The following ESR1 variants were observed in gnomAD, a reference collection of about 807,000 sequenced individuals.
The protein encoded by ESR1 is estrogen receptor 1.
A neutral mutation model predicts 52.7 loss-of-function variants in ESR1; 12 were observed. The observed-to-expected ratio is 0.23, with a 90% confidence interval of 0.15 to 0.37. The LOEUF is 0.37. Ranked by LOEUF, ESR1 falls within the 10% of genes least tolerant of loss-of-function variation. ESR1 has a pLI of 1.00. For synonymous variants in ESR1, 305 were observed against 316.8 expected (o/e 0.96, Z 0.39); for missense variants, 584 against 779.7 (o/e 0.75, Z 2.99).
chr6:151,808,611 G>A (rs9479119), intron 1 of ESR1, among the ~76,000 whole-genome samples: 2 of 152,112 alleles, frequency 1.3e-5, no homozygotes, highest in African/African-American at 2.4e-5. Context: ...CTTACCGTCC[G>A]TGCGAGAGGC....
intron 6 of ESR1, among the ~76,000 whole-genome samples, chr6:152,076,046 G>A (rs1288337086): frequency 6.6e-6 from 1 of 152,134 alleles, no homozygotes; most frequent in Admixed American, 6.5e-5. Context: ...ATAAATTGAG[G>A]ATAATCTGAA....
At chr6:151,689,787 A>C (rs1464159774), upstream of ESR1, among the ~76,000 whole-genome samples, 1 of 152,176 alleles carries the variant, frequency 6.6e-6, no homozygotes, top group Non-Finnish European at 1.5e-5. Context: ...AATATTTTTA[A>C]AAATTCATTT....
rs186291463 is a variant in ESR1, at chr6:151,792,942, G to A, written c.-70-14901G>A. ...TCCTAGCACTTTGGGAGGCCGAGGCGGGCAGATCATGAGGTCAGGAGATCG... is the reference window on the plus strand; with the variant it reads ...TCCTAGCACTTTGGGAGGCCGAGGCAGGCAGATCATGAGGTCAGGAGATCG... On this transcript the variant is annotated intron_variant, in intron 2 of 2. Coordinates refer to the ESR1 transcript ENST00000404742. Among the ~76,000 whole-genome samples the A allele has an allele frequency of 4.9e-3, 740 of 152,122 alleles. 7 individuals are homozygous for A. Among genetic ancestry groups the A allele is most frequent in the African/African-American group, 0.017 (706 of 41,500 alleles).
intron 1 of ESR1, among the ~76,000 whole-genome samples, chr6:151,663,606 T>C (rs893274161): frequency 6.6e-6 from 1 of 152,196 alleles, no homozygotes; most frequent in African/African-American, 2.4e-5. Flanking sequence ...TTCAATATCA[T>C]GCATTTTTTT....
intron 1 of ESR1, among the ~76,000 whole-genome samples, chr6:151,841,235 T>A (rs984767349): frequency 2.6e-5 from 4 of 152,188 alleles, no homozygotes; most frequent in Non-Finnish European, 4.4e-5. Context: ...TCTAAAAAAT[T>A]CATTTTCTTG....
chr6:151,851,875 G>A (rs988668509), intron 2 of ESR1, among the ~76,000 whole-genome samples: 21 of 152,082 alleles, frequency 1.4e-4, no homozygotes, highest in African/African-American at 4.8e-4. Flanking sequence ...GTATATAGGA[G>A]GGACCAGAGA....
intron 2 of ESR1, among the ~76,000 whole-genome samples, chr6:151,784,925 C>T (rs752149974): frequency 7.2e-5 from 11 of 152,170 alleles, no homozygotes; most frequent in Non-Finnish European, 1.5e-4. Context: ...GGAGTTAATG[C>T]TACATTCTAG....
At chr6:151,937,263 T>C (rs2034475512) in intron 3 of ESR1, among the ~76,000 whole-genome samples, 1 of 152,208 alleles carries the variant, frequency 6.6e-6, no homozygotes, top group Non-Finnish European at 1.5e-5. Context: ...AAAGCGTAGC[T>C]GCTCTAGACA....
chr6:151,786,758 A>G (rs1488085343), intron 2 of ESR1, among the ~76,000 whole-genome samples: 1 of 151,446 alleles, frequency 6.6e-6, no homozygotes, highest in East Asian at 1.9e-4. Flanking sequence ...GTCTATGGGT[A>G]GCTAGTTATC....
intron 3 of ESR1, among the ~76,000 whole-genome samples, chr6:151,939,540 AT>A (rs2034791494): frequency 6.6e-6 from 1 of 152,064 alleles, no homozygotes; most frequent in Admixed American, 6.5e-5. Context: ...GTTATTTCTG[AT>A]TTGCAGTTTT....
chr6:151,926,712 C>G (rs2032807206), intron 3 of ESR1, among the ~76,000 whole-genome samples: 1 of 152,090 alleles, frequency 6.6e-6, no homozygotes, highest in Admixed American at 6.6e-5. Context: ...ACCGTGGCAT[C>G]ATTACTTATT....
At chr6:151,961,838 A>G (rs182232820) in intron 4 of ESR1, among the ~76,000 whole-genome samples, 13 of 152,302 alleles carry the variant, frequency 8.5e-5, no homozygotes. Flanking sequence ...GAGCTGCGTT[A>G]CAAGCCCACC....
At chr6:151,777,117 TC>T (rs1478077893) in intron 2 of ESR1, among the ~76,000 whole-genome samples, 5 of 141,998 alleles carry the variant, frequency 3.5e-5, no homozygotes, top group African/African-American at 8.0e-5. Flanking sequence ...TCTTTTCTTT[TC>T]TTTTCTTTTT....
At chr6:151,899,054 G>A (rs1251514396) in intron 3 of ESR1, among the ~76,000 whole-genome samples, 3 of 145,460 alleles carry the variant, frequency 2.1e-5, no homozygotes, top group Admixed American at 6.8e-5. Context: ...CCTCCCGGAC[G>A]GGGCGGCTGG....
chr6:151,790,667 C>G (rs1446698715), intron 2 of ESR1, among the ~76,000 whole-genome samples: 1 of 151,900 alleles, frequency 6.6e-6, no homozygotes, highest in East Asian at 1.9e-4. Context: ...CAGCCCAACA[C>G]AGGGACTAAA....
chr6:151,809,071 C>T (rs1778369010), intron 1 of ESR1: 1 of 288,164 alleles, frequency 3.5e-6, no homozygotes, highest in Non-Finnish European at 7.6e-6. Context: ...TGTAGGTGTC[C>T]CGCGAGTTTA....
At chr6:151,929,726 A>C (rs1308386357) in intron 3 of ESR1, among the ~76,000 whole-genome samples, 2 of 152,090 alleles carry the variant, frequency 1.3e-5, no homozygotes, top group African/African-American at 4.8e-5. Flanking sequence ...AAATAAATAA[A>C]TCAATAAGTG....
intron 1 of ESR1, among the ~76,000 whole-genome samples, chr6:151,658,707 C>T (rs1189365223): frequency 6.6e-6 from 1 of 151,924 alleles, no homozygotes; most frequent in African/African-American, 2.4e-5. Context: ...TATCTTAGCA[C>T]CTTCTATATT....
rs189679493 is a variant in ESR1 at position 152,079,381 on chromosome 6, G to T, written c.1370-15004G>T. Among the ~76,000 whole-genome samples the T allele has an allele frequency of 7.1e-4, 108 of 152,276 alleles. 1 individual carries two copies. Among genetic ancestry groups the T allele is most frequent in the Non-Finnish European group, 1.4e-3 (94 of 68,020 alleles). ...GTGGACCTCCAGCAAACTCCAACAG[G>T]CCTGCAGCTGAGGGGCCTGACGGTT... On this transcript the variant is annotated intron_variant, in intron 6 of 7. Transcript: ENST00000206249.
Sources: gnomAD v4.1 joint callset for allele counts (sites outside exome capture counted in the v4.1 genomes callset) on GRCh38, gnomAD v4.1.1 for gene constraint, MANE v1.5 for transcripts, NCBI Gene and HGNC (gene_info 2026-07-23, HGNC 2026-07-21) for gene names.